SOX5: variants seen among roughly 807,000 people sequenced by gnomAD.
The protein encoded by SOX5 is transcription factor SOX-5.
SOX5 carries 9 observed loss-of-function variants against 92.0 expected under a neutral mutation model. That is an observed-to-expected ratio of 0.10 (90% CI 0.06 to 0.17). The LOEUF is 0.17. SOX5 is among the 10% of genes least tolerant of loss of function. The pLI is 1.00. For synonymous variants in SOX5, 344 were observed against 336.3 expected, an observed-to-expected ratio of 1.02 and a Z score of -0.25; for missense variants, 642 against 944.5, an observed-to-expected ratio of 0.68 and a Z score of 4.20.
chr12:24,561,069 C>T (rs1463148374), intron 1 of SOX5, among the ~76,000 whole-genome samples: 1 of 152,210 alleles, frequency 6.6e-6, no homozygotes, highest in Non-Finnish European at 1.5e-5. Context: ...GAAGGCAGTC[C>T]CTGGGGACAC....
chr12:23,779,820 C>T (rs1488678466), intron 3 of SOX5, among the ~76,000 whole-genome samples: 35 of 115,536 alleles, frequency 3.0e-4, no homozygotes, highest in South Asian at 1.5e-3. Flanking sequence ...TATATACACA[C>T]ACACACACAC....
At chr12:23,641,252 T>A (rs1455392488) in intron 7 of SOX5, among the ~76,000 whole-genome samples, 1 of 152,160 alleles carries the variant, frequency 6.6e-6, no homozygotes, top group Non-Finnish European at 1.5e-5. Flanking sequence ...TCAGCAAATT[T>A]ACAGTATTAT....
intron 4 of SOX5, among the ~76,000 whole-genome samples, chr12:24,112,510 C>T (rs1358421858): frequency 1.5e-5 from 2 of 134,662 alleles, no homozygotes; most frequent in Non-Finnish European, 3.1e-5. Flanking sequence ...TACAGAACAA[C>T]TTCAAGGTTC....
intron 11 of SOX5, among the ~76,000 whole-genome samples, chr12:23,557,386 A>G (rs530784238): frequency 1.3e-5 from 2 of 152,336 alleles, no homozygotes; most frequent in South Asian, 4.1e-4. Context: ...TATGATTTAT[A>G]ATGACAGATG....
chr12:23,981,755 G>A (rs1949586275), intron 4 of SOX5, among the ~76,000 whole-genome samples: 1 of 152,012 alleles, frequency 6.6e-6, no homozygotes, highest in African/African-American at 2.4e-5. Flanking sequence ...GCTAAAGACT[G>A]TTATCAAATT....
At chr12:24,345,748 T>A (rs1009338569) in intron 2 of SOX5, among the ~76,000 whole-genome samples, 1 of 152,178 alleles carries the variant, frequency 6.6e-6, no homozygotes, top group Non-Finnish European at 1.5e-5. Flanking sequence ...TTATTTCTTT[T>A]TAGTAGTTAA....
At chr12:24,561,136 A>T (rs921958675) in intron 1 of SOX5, among the ~76,000 whole-genome samples, 1 of 152,202 alleles carries the variant, frequency 6.6e-6, no homozygotes, top group Non-Finnish European at 1.5e-5. Flanking sequence ...GAGGATCTCA[A>T]GTGGGTTCCA....
Position 23,591,584 on chromosome 12 carries a change from AATC to A in SOX5, c.1164+12800_1164+12802del, listed in dbSNP as rs530426902. Among the ~76,000 whole-genome samples, 80 of 152,276 alleles carry A rather than the reference AATC, an allele frequency of 5.3e-4. 1 individual carries two copies. Among genetic ancestry groups the A allele is most frequent in the African/African-American group, 1.8e-3 (76 of 41,578 alleles). ...AGAGGTTCTCTTAAAATGGGACCAG[AATC>A]ATCATTTTTTAGAGAAACGACAGTG... is the stretch of plus-strand genomic sequence containing the variant. On this transcript the variant is annotated intron_variant, in intron 9 of 14. Coordinates refer to ENST00000451604, the MANE Select transcript of SOX5 (RefSeq NM_006940.6).
chr12:23,881,263 A>G (rs1482513700), intron 2 of SOX5, among the ~76,000 whole-genome samples: 2 of 152,156 alleles, frequency 1.3e-5, no homozygotes, highest in Non-Finnish European at 2.9e-5. Flanking sequence ...ATCACTTTAT[A>G]CAATTGCCAT....
intron 3 of SOX5, among the ~76,000 whole-genome samples, chr12:23,775,074 CA>C (rs1191868714): frequency 6.9e-4 from 105 of 152,218 alleles, no homozygotes; most frequent in African/African-American, 2.3e-3. Context: ...AATTACAAGA[CA>C]ACTTTGTAAT....
At chr12:23,980,902 C>T (rs1015204801) in intron 4 of SOX5, among the ~76,000 whole-genome samples, 1 of 152,126 alleles carries the variant, frequency 6.6e-6, no homozygotes, top group Admixed American at 6.5e-5. Flanking sequence ...GCGTCCCCAG[C>T]ATGTAATATA....
chr12:24,366,508 G>A (rs1307987898), intron 2 of SOX5, among the ~76,000 whole-genome samples: 2 of 152,136 alleles, frequency 1.3e-5, no homozygotes, highest in Non-Finnish European at 2.9e-5. Flanking sequence ...AGAGACTGAA[G>A]CTGTATTAGT....
At chr12:24,469,398 C>T (rs1944557867) in intron 1 of SOX5, among the ~76,000 whole-genome samples, 1 of 152,162 alleles carries the variant, frequency 6.6e-6, no homozygotes, top group Non-Finnish European at 1.5e-5. Flanking sequence ...TTTCCTCTGC[C>T]TTGGTTCCTG....
intron 1 of SOX5, among the ~76,000 whole-genome samples, chr12:24,552,110 G>C (rs1374906879): frequency 6.7e-6 from 1 of 150,342 alleles, no homozygotes; most frequent in Non-Finnish European, 1.5e-5. Flanking sequence ...GATTCCTTAT[G>C]TCAGGTCCCC....
At chr12:24,349,388 C>T (rs1171749669) in intron 2 of SOX5, among the ~76,000 whole-genome samples, 1 of 152,152 alleles carries the variant, frequency 6.6e-6, no homozygotes. Context: ...CTTTTTCATC[C>T]TTCAAAACTG....
At chr12:24,395,342 G>T (rs966946250) in intron 1 of SOX5, among the ~76,000 whole-genome samples, 2 of 152,106 alleles carry the variant, frequency 1.3e-5, no homozygotes, top group Non-Finnish European at 2.9e-5. Flanking sequence ...GCTCAACCAG[G>T]GGAAATTTTG....
intron 2 of SOX5, among the ~76,000 whole-genome samples, chr12:23,855,523 C>G (rs542982274): frequency 1.9e-4 from 29 of 152,084 alleles, no homozygotes; most frequent in Non-Finnish European, 2.8e-4. Flanking sequence ...ATACATGACA[C>G]CAATTACTTT....
intron 9 of SOX5, among the ~76,000 whole-genome samples, chr12:23,591,560 G>C (rs570288975): frequency 2.0e-5 from 3 of 152,060 alleles, no homozygotes; most frequent in Non-Finnish European, 4.4e-5. Context: ...AAATTACCTA[G>C]AGGTTCTCTT....
intron 9 of SOX5, among the ~76,000 whole-genome samples, chr12:23,600,640 A>G (rs923879784): frequency 6.7e-6 from 1 of 150,348 alleles, no homozygotes; most frequent in East Asian, 2.0e-4. Context: ...TAGTGCAAAC[A>G]GTTCACAAAC....
Sources: gnomAD v4.1 joint callset for allele counts (sites outside exome capture counted in the v4.1 genomes callset) on GRCh38, gnomAD v4.1.1 for gene constraint, MANE v1.5 for transcripts, NCBI Gene and HGNC (gene_info 2026-07-23, HGNC 2026-07-21) for gene names.